The following MRAP2 variants were observed in gnomAD, a reference collection of about 807,000 sequenced individuals.
MRAP2 encodes melanocortin 2 receptor accessory protein 2.
MRAP2 carries 20 observed loss-of-function variants against 17.4 expected under a neutral mutation model. The observed-to-expected ratio is 1.15, with a 90% CI of 0.81 to 1.67. The LOEUF is 1.67. Among genes scored for constraint, MRAP2 ranks in the 40% most tolerant of loss-of-function variants. MRAP2 has a pLI of 0.00. For synonymous variants in MRAP2, 96 were observed against 88.4 expected, an observed-to-expected ratio of 1.09 and a Z score of -0.48; for missense variants, 238 against 240.0, an observed-to-expected ratio of 0.99 and a Z score of 0.05.
the MRAP2 span, among the ~76,000 whole-genome samples, chr6:84,105,254 GT>G: frequency 6.6e-6 from 1 of 152,214 alleles, no homozygotes; most frequent in South Asian, 2.1e-4. Context: ...ATTGTATTCT[GT>G]TTTCATGCTG....
At position 84,033,858 on chromosome 6, in the gene MRAP2, G is replaced by C; in HGVS notation, c.-33G>C. ...AGCCAGGAGCCGGAACCAGGGCCGA[G>C]CCCGCGGGCCGGGGCTAGCCAGCCG... On this transcript the variant is annotated 5_prime_UTR_variant, in exon 1 of 4. Transcript: ENST00000257776. The C allele has an allele frequency of 1.0e-6, 1 of 986,852 alleles. No individual in the cohort carries two copies. The highest frequency in any genetic ancestry group is 1.2e-6 in the Non-Finnish European group (1 of 830,670). 61.1% of individuals were successfully genotyped at this position (986,852 alleles called of 1,614,324 possible). A position where few individuals can be genotyped will look rare whatever the true frequency, so the allele number is the denominator to read the frequency against.
At chr6:84,095,684 C>A (rs1196548792), downstream of MRAP2, among the ~76,000 whole-genome samples, 1 of 152,152 alleles carries the variant, frequency 6.6e-6, no homozygotes, top group East Asian at 1.9e-4. Flanking sequence ...ATAATCCATC[C>A]TGTCACCCAG....
chr6:84,085,045 C>T (rs1267109031), intron 3 of MRAP2, among the ~76,000 whole-genome samples: 1 of 150,338 alleles, frequency 6.7e-6, no homozygotes, highest in Non-Finnish European at 1.5e-5. Context: ...TGTGTTGCAC[C>T]CATTAACTCA....
intron 1 of MRAP2, among the ~76,000 whole-genome samples, chr6:84,051,470 T>C (rs1300250183): frequency 6.6e-6 from 1 of 152,030 alleles, no homozygotes; most frequent in Non-Finnish European, 1.5e-5. Flanking sequence ...GGCGGGAGAA[T>C]CACTTGAACT....
the MRAP2 span, among the ~76,000 whole-genome samples, chr6:84,115,926 C>G: frequency 6.6e-6 from 1 of 152,082 alleles, no homozygotes; most frequent in Admixed American, 6.6e-5. Context: ...CCAACCAGTC[C>G]CAGTGAGATG....
intron 3 of MRAP2, among the ~76,000 whole-genome samples, chr6:84,081,966 A>G (rs940167648): frequency 2.0e-5 from 3 of 152,228 alleles, no homozygotes; most frequent in African/African-American, 7.2e-5. Context: ...ATGCAGAACT[A>G]TGTGTCAATT....
chr6:84,120,862 A>G, the MRAP2 span, among the ~76,000 whole-genome samples: 1 of 152,168 alleles, frequency 6.6e-6, no homozygotes, highest in African/African-American at 2.4e-5. Context: ...TACGTAAAAA[A>G]TAGCAAACTG....
At chr6:84,113,774 G>T in the MRAP2 span, among the ~76,000 whole-genome samples, 1 of 152,176 alleles carries the variant, frequency 6.6e-6, no homozygotes, top group Non-Finnish European at 1.5e-5. Context: ...TAGTAAGGCA[G>T]GCCTGGAGGT....
intron 3 of MRAP2, among the ~76,000 whole-genome samples, chr6:84,088,501 C>T (rs552569741): frequency 1.4e-4 from 21 of 152,286 alleles, no homozygotes; most frequent in African/African-American, 5.1e-4. Flanking sequence ...TGAGTTCATA[C>T]GTTTGTAAAA....
At chr6:84,069,651 T>C (rs2129170135) in intron 3 of MRAP2, among the ~76,000 whole-genome samples, 1 of 152,304 alleles carries the variant, frequency 6.6e-6, no homozygotes, top group Middle Eastern at 3.4e-3. Flanking sequence ...TCTTGTGGAA[T>C]AGTGTCAAAA....
At chr6:84,086,087 A>T (rs1171078753) in intron 3 of MRAP2, among the ~76,000 whole-genome samples, 1 of 152,240 alleles carries the variant, frequency 6.6e-6, no homozygotes, top group Non-Finnish European at 1.5e-5. Context: ...ATTTATGTCA[A>T]CCTAAATAAC....
chr6:84,044,498 T>C (rs1360840395), intron 1 of MRAP2, among the ~76,000 whole-genome samples: 1 of 152,214 alleles, frequency 6.6e-6, no homozygotes, highest in Non-Finnish European at 1.5e-5. Flanking sequence ...AAGATCAAGG[T>C]GCTGGTCACA....
chr6:84,072,172 T>G (rs573721028), intron 3 of MRAP2, among the ~76,000 whole-genome samples: 1 of 152,284 alleles, frequency 6.6e-6, no homozygotes, highest in African/African-American at 2.4e-5. Context: ...TTACCAGAAT[T>G]AGTTTTCTGG....
chr6:84,086,917 C>T (rs1029369484), intron 3 of MRAP2, among the ~76,000 whole-genome samples: 6 of 152,214 alleles, frequency 3.9e-5, no homozygotes, highest in African/African-American at 1.4e-4. Context: ...TCTGGGTCTG[C>T]TGTCACACTC....
At chr6:84,124,705 C>G in the MRAP2 span, 1 of 268,638 alleles carries the variant, frequency 3.7e-6, no homozygotes, top group Non-Finnish European at 7.0e-6. Flanking sequence ...TTACAACAAG[C>G]ACATGTACCC....
At chr6:84,083,133 A>C (rs1264359333) in intron 3 of MRAP2, among the ~76,000 whole-genome samples, 1 of 152,228 alleles carries the variant, frequency 6.6e-6, no homozygotes, top group Non-Finnish European at 1.5e-5. Context: ...GTGTGCTCTC[A>C]TGGCGACTGG....
the MRAP2 span, among the ~76,000 whole-genome samples, chr6:84,111,693 G>A: frequency 1.3e-5 from 2 of 152,246 alleles, no homozygotes; most frequent in Middle Eastern, 6.8e-3. Context: ...GTTTTCAAAG[G>A]GAATGCTTCC....
the MRAP2 span, among the ~76,000 whole-genome samples, chr6:84,140,358 T>C: frequency 6.6e-6 from 1 of 152,130 alleles, no homozygotes; most frequent in Non-Finnish European, 1.5e-5. Flanking sequence ...TGTGGGAGGC[T>C]TGAAACACCA....
At chr6:84,033,708 C>A (rs944272650), upstream of MRAP2, 2 of 985,234 alleles carry the variant, frequency 2.0e-6, no homozygotes, top group Admixed American at 1.2e-4. Context: ...TGCTCCGGCG[C>A]CCCGCGCCGC....
Sources: allele counts gnomAD v4.1 joint callset (sites outside exome capture counted in the v4.1 genomes callset), GRCh38; gene constraint gnomAD v4.1.1; transcripts MANE v1.5; gene names NCBI Gene and HGNC (gene_info 2026-07-23, HGNC 2026-07-21).